Variants in PRKCE observed in about 807,000 individuals in gnomAD.
PRKCE encodes protein kinase C epsilon.
In PRKCE, 16 loss-of-function variants were observed where a neutral mutation model predicts 85.4. That is an observed-to-expected ratio of 0.19 (90% confidence interval 0.13 to 0.28). The LOEUF is 0.28. Among genes scored for constraint, PRKCE ranks in the 10% least tolerant of loss-of-function variants. The pLI, the probability that PRKCE is intolerant of heterozygous loss-of-function variation, is 1.00. For synonymous variants in PRKCE, 388 were observed against 371.5 expected (o/e 1.04, Z -0.51); for missense variants, 573 against 975.2 (o/e 0.59, Z 5.49).
At chr2:46,017,239 C>A (rs533186919) in intron 10 of PRKCE, among the ~76,000 whole-genome samples, 3 of 152,246 alleles carry the variant, frequency 2.0e-5, no homozygotes, top group South Asian at 2.1e-4. Context: ...CAGCCCTTGG[C>A]AACAGCCACT....
At chr2:46,027,577 G>T (rs900923418) in intron 10 of PRKCE, among the ~76,000 whole-genome samples, 6 of 152,146 alleles carry the variant, frequency 3.9e-5, no homozygotes, top group Admixed American at 3.9e-4. Context: ...AATAAGGCAG[G>T]GAAGGGGAAC....
chr2:45,871,232 C>G (rs922469378), intron 2 of PRKCE, among the ~76,000 whole-genome samples: 4 of 152,196 alleles, frequency 2.6e-5, no homozygotes, highest in Admixed American at 2.0e-4. Flanking sequence ...CAAGGGGAGT[C>G]TCATTTGTGT....
At chr2:45,962,939 C>T (rs1430157881) in intron 2 of PRKCE, among the ~76,000 whole-genome samples, 1 of 152,144 alleles carries the variant, frequency 6.6e-6, no homozygotes. Context: ...CTCAGTGGAA[C>T]ATAAAAACTG....
intron 1 of PRKCE, among the ~76,000 whole-genome samples, chr2:45,784,484 G>T (rs1234946897): frequency 1.3e-5 from 2 of 152,350 alleles, no homozygotes; most frequent in South Asian, 2.1e-4. Flanking sequence ...TCAGCTTCGT[G>T]TTGGGATTTG....
In PRKCE at chr2:45,664,001, C is replaced by G. The variant is rs72884440; in HGVS notation, c.348+11553C>G. Among the ~76,000 whole-genome samples, 1,145 of 152,298 alleles carry G rather than the reference C, an allele frequency of 7.5e-3. 12 individuals are homozygous for G. Among genetic ancestry groups the G allele is most frequent in the African/African-American group, 0.026 (1,083 of 41,542 alleles). On this transcript the variant is annotated intron_variant, in intron 1 of 14. Transcript: ENST00000306156. ...TTCATCTAGCCAACCAGCCATTCAA[C>G]AAACATATATTGAGTACTTTCTATG...
At chr2:45,903,918 T>TGTTTG (rs57253617) in intron 2 of PRKCE, among the ~76,000 whole-genome samples, 1 of 147,586 alleles carries the variant, frequency 6.8e-6, no homozygotes, top group South Asian at 2.2e-4. Context: ...TTTGTTTGTT[T>TGTTTG]TTTTTGGCAG....
intron 1 of PRKCE, among the ~76,000 whole-genome samples, chr2:45,767,687 T>C (rs1167758065): frequency 2.0e-5 from 3 of 152,254 alleles, no homozygotes; most frequent in African/African-American, 7.2e-5. Context: ...GTGCCTTCAC[T>C]GTCAGCAGTG....
At chr2:45,745,281 A>G (rs1419084200) in intron 1 of PRKCE, among the ~76,000 whole-genome samples, 1 of 152,168 alleles carries the variant, frequency 6.6e-6, no homozygotes, top group Non-Finnish European at 1.5e-5. Context: ...GGCCCGGGAC[A>G]CAGATACCTT....
At chr2:45,845,528 T>C (rs1015956395) in intron 2 of PRKCE, 41 of 151,930 alleles carry the variant, frequency 2.7e-4, no homozygotes, top group African/African-American at 8.0e-4. Context: ...GCCCCATCAA[T>C]GGAAAAAAAT....
intron 2 of PRKCE, among the ~76,000 whole-genome samples, chr2:45,936,543 T>C (rs1350584399): frequency 6.6e-6 from 1 of 151,996 alleles, no homozygotes; most frequent in African/African-American, 2.4e-5. Flanking sequence ...AGGCCCGACA[T>C]CCAAAACATT....
Position 45,652,198 on chromosome 2 carries a change from C to A in PRKCE, c.98C>A (p.Pro33Gln), listed in dbSNP as rs752108942. The change falls in exon 1 of 15, where the codon CCG (proline) becomes CAG (glutamine). Residue 33 changes from proline (P) to glutamine (Q), a missense_variant. Pro to Gln is a moderately conservative substitution (Grantham distance 76). This residue lies in a region of PRKCE where 100 missense variants were observed against 177.1 expected (regional missense o/e 0.56). Transcript: ENST00000306156. This position sits in a 1 kb window ranked among gnomAD's most constrained non-coding sequence, Gnocchi z 7.7. ...WSLRHAVGPR[P>Q]QTFLLDPYIA... ...CTGCGCCATGCGGTGGGACCCCGGCCGCAGACTTTCCTTCTCGACCCCTAC... is the reference window on the plus strand; with the variant it reads ...CTGCGCCATGCGGTGGGACCCCGGCAGCAGACTTTCCTTCTCGACCCCTAC... 1 of 1,613,614 alleles carries A rather than the reference C, an allele frequency of 6.2e-7. No individual in the cohort carries two copies. Among genetic ancestry groups the A allele is most frequent in the South Asian group, 1.1e-5 (1 of 91,072 alleles).
At chr2:45,749,421 C>T (rs1683377800) in intron 1 of PRKCE, among the ~76,000 whole-genome samples, 1 of 152,178 alleles carries the variant, frequency 6.6e-6, no homozygotes, top group African/African-American at 2.4e-5. Context: ...GCATCATTGG[C>T]ATGTGGTTTG....
At chr2:45,968,816 C>A (rs1040453593) in intron 2 of PRKCE, among the ~76,000 whole-genome samples, 1 of 151,944 alleles carries the variant, frequency 6.6e-6, no homozygotes, top group Admixed American at 6.6e-5. Context: ...GTGAAAACTT[C>A]AATGACCAGA....
chr2:45,862,976 C>T (rs535843074), intron 2 of PRKCE, among the ~76,000 whole-genome samples: 43 of 152,320 alleles, frequency 2.8e-4, no homozygotes, highest in Non-Finnish European at 5.6e-4. Flanking sequence ...AATCTACTCC[C>T]TGGTGTCTCC....
chr2:45,966,522 C>T (rs1296373531), intron 2 of PRKCE, among the ~76,000 whole-genome samples: 1 of 152,272 alleles, frequency 6.6e-6, no homozygotes, highest in Non-Finnish European at 1.5e-5. Context: ...GACCAAAATA[C>T]CAGGATAGTT....
At chr2:46,035,389 T>A (rs1234403382) in intron 10 of PRKCE, among the ~76,000 whole-genome samples, 1 of 152,230 alleles carries the variant, frequency 6.6e-6, no homozygotes, top group Non-Finnish European at 1.5e-5. Flanking sequence ...AGGCCAGGGC[T>A]TTGCTTGACT....
chr2:45,970,734 G>GTGATA (rs2104491387), intron 2 of PRKCE, among the ~76,000 whole-genome samples: 1 of 152,098 alleles, frequency 6.6e-6, no homozygotes, highest in East Asian at 1.9e-4. Context: ...CTCTGTTATT[G>GTGATA]TGATTATGTA....
chr2:45,927,469 C>T (rs562560903), intron 2 of PRKCE, among the ~76,000 whole-genome samples: 1 of 152,292 alleles, frequency 6.6e-6, no homozygotes, highest in South Asian at 2.1e-4. Context: ...AGGTACCTCC[C>T]TCCAGGTCTC....
intron 6 of PRKCE, among the ~76,000 whole-genome samples, chr2:45,998,304 T>G (rs1029379775): frequency 5.9e-5 from 9 of 152,240 alleles, no homozygotes; most frequent in African/African-American, 9.6e-5. Flanking sequence ...AATAGCAGCA[T>G]CATCTGTTTC....
Sources: allele counts gnomAD v4.1 joint callset (sites outside exome capture counted in the v4.1 genomes callset), GRCh38; gene constraint gnomAD v4.1.1; regional missense constraint gnomAD v4.1.1; non-coding constraint Gnocchi (gnomAD v3.1); transcripts MANE v1.5; gene names NCBI Gene and HGNC (gene_info 2026-07-23, HGNC 2026-07-21).